Variants in PPA1 observed in about 807,000 individuals in gnomAD.
PPA1 encodes inorganic pyrophosphatase.
PPA1 carries 23 observed loss-of-function variants against 41.8 expected under a neutral mutation model. The observed-to-expected ratio is 0.55, with a 90% CI of 0.40 to 0.78. PPA1 has a LOEUF of 0.78. PPA1 is among the 30% of genes least tolerant of loss of function. PPA1 has a pLI of 0.00. For synonymous variants in PPA1, 101 were observed against 116.8 expected (o/e 0.86, Z 0.87); for missense variants, 320 against 361.6 (o/e 0.89, Z 0.93).
chr10:70,220,089 C>A (rs1840120450), intron 2 of PPA1, among the ~76,000 whole-genome samples: 1 of 151,108 alleles, frequency 6.6e-6, no homozygotes, highest in African/African-American at 2.4e-5. Context: ...GCCACTACAC[C>A]TGGCTAATTT....
At chr10:70,227,813 T>C (rs1840248127) in intron 2 of PPA1, among the ~76,000 whole-genome samples, 1 of 152,124 alleles carries the variant, frequency 6.6e-6, no homozygotes, top group African/African-American at 2.4e-5. Flanking sequence ...TCCCTCATTA[T>C]AATCCCTCGG....
At chr10:70,222,692 ATACTTT>A (rs1327623784) in intron 2 of PPA1, among the ~76,000 whole-genome samples, 1 of 151,958 alleles carries the variant, frequency 6.6e-6, no homozygotes, top group Non-Finnish European at 1.5e-5. Flanking sequence ...TTTTATTATT[ATACTTT>A]AAGTTTTAGG....
chr10:70,222,777 C>T (rs1282461579), intron 2 of PPA1, among the ~76,000 whole-genome samples: 2 of 151,808 alleles, frequency 1.3e-5, no homozygotes, highest in Non-Finnish European at 2.9e-5. Context: ...TGGTGTGCTG[C>T]ACCCATTAAC....
chr10:70,218,041 GAT>G (rs1840098771), intron 3 of PPA1, 110 bp from the exon 4 acceptor site: 1 of 1,034,280 alleles, frequency 9.7e-7, no homozygotes, highest in African/African-American at 1.6e-5. Context: ...CCACTTTAAT[GAT>G]ATATTTTATC....
chr10:70,206,642 G>C (rs377361062), intron 8 of PPA1, among the ~76,000 whole-genome samples: 8 of 151,142 alleles, frequency 5.3e-5, no homozygotes, highest in African/African-American at 1.7e-4. Flanking sequence ...TCAAGAGATC[G>C]AGACCATCCT....
Position 70,233,282 on chromosome 10 carries a change from C to T in PPA1, c.46G>A (p.Glu16Lys). ...TEERAAPFSLEYRVFLKNEKG... is the reference protein window; with the variant it reads ...TEERAAPFSLKYRVFLKNEKG... ...CACTCACTGAGGAAGACTCGGTACT[C>T]CAGGGAGAAGGGCGCGGCGCGCTCC... Residue 16 changes from glutamate to lysine, a missense_variant, in exon 1 of 11, where the codon GAG (glutamate) becomes AAG (lysine). Glu to Lys is a moderately conservative substitution (Grantham distance 56, BLOSUM62 1). Transcript: ENST00000373232. 1 of 1,543,266 alleles carries T rather than the reference C, an allele frequency of 6.5e-7. No individual in the cohort carries two copies. Among genetic ancestry groups the T allele is most frequent in the Non-Finnish European group, 8.7e-7 (1 of 1,144,584 alleles).
At chr10:70,231,148 T>C (rs1242263227) in intron 1 of PPA1, among the ~76,000 whole-genome samples, 1 of 152,218 alleles carries the variant, frequency 6.6e-6, no homozygotes, top group Admixed American at 6.5e-5. Context: ...ATAATTTCTA[T>C]TATATTCTAG....
chr10:70,223,781 T>C (rs1198950610), intron 2 of PPA1, among the ~76,000 whole-genome samples: 1 of 152,224 alleles, frequency 6.6e-6, no homozygotes, highest in Non-Finnish European at 1.5e-5. Context: ...TTAAGAAATT[T>C]CGTACTACCC....
rs60133562 is a variant in PPA1, at chr10:70,210,771, A to AT, written c.512-1087dup. Among the ~76,000 whole-genome samples, 402 of 148,424 alleles carry AT rather than the reference A, an allele frequency of 2.7e-3. 2 individuals are homozygous for AT. Among genetic ancestry groups the AT allele is most frequent in the African/African-American group, 6.6e-3 (267 of 40,458 alleles). ...AGATAACATTGCTTCACTCCAATTT[A>AT]TTTTTTTTTTTTGAGAAGGAGTCTC... On this transcript the variant is annotated intron_variant, in intron 6 of 10. Transcript: ENST00000373232.
At chr10:70,223,141 G>A (rs953286324) in intron 2 of PPA1, among the ~76,000 whole-genome samples, 4 of 152,020 alleles carry the variant, frequency 2.6e-5, no homozygotes, top group African/African-American at 9.7e-5. Context: ...GAGGCAGGAG[G>A]ACCGCTTGAG....
At chr10:70,206,543 G>A (rs138227126) in intron 8 of PPA1, among the ~76,000 whole-genome samples, 1,532 of 151,920 alleles carry the variant, frequency 0.01, 21 homozygotes, top group African/African-American at 0.035. Flanking sequence ...TAACAAGTTC[G>A]GATTTAAGAA....
Position 70,213,494 on chromosome 10 carries a change from A to G in PPA1, c.480T>C (p.Asn160=). The part of the protein sequence containing the change: ...GETDWKVIAI[N]VDDPDAANYN... ...AATTGGCTGCATCAGGATCATCCAC[A>G]TTAATGGCAATGACTTTCCAGTCGG... The change falls in exon 6 of 11, where the codon AAT becomes AAC. Residue 160 remains asparagine (N), a synonymous_variant. Coordinates refer to ENST00000373232, the MANE Select transcript of PPA1 (RefSeq NM_021129.4). The G allele has an allele frequency of 6.2e-7, 1 of 1,614,086 alleles. No homozygotes were observed. Among genetic ancestry groups the G allele is most frequent in the South Asian group, 1.1e-5 (1 of 91,080 alleles).
Position 70,227,448 on chromosome 10 carries a change from G to A in PPA1, c.123+2893C>T, listed in dbSNP as rs142580108. On this transcript the variant is annotated intron_variant, in intron 2 of 10. Transcript: ENST00000373232. ...GCAGATCGCTTGAAACCAGGAGTTC[G>A]AGACCAGCCTGGGCAACATAGGGAA... Among the ~76,000 whole-genome samples, 1,345 of 152,196 alleles carry A rather than the reference G, an allele frequency of 8.8e-3. 13 individuals are homozygous for A. The highest frequency in any genetic ancestry group is 0.031 in the African/African-American group (1,274 of 41,520).
chr10:70,223,276 G>A (rs1350095764), intron 2 of PPA1, among the ~76,000 whole-genome samples: 1 of 151,754 alleles, frequency 6.6e-6, no homozygotes, highest in African/African-American at 2.4e-5. Context: ...GTACAGTGAC[G>A]CAATCATAGC....
At chr10:70,226,986 G>C (rs973670496) in intron 2 of PPA1, among the ~76,000 whole-genome samples, 1 of 152,140 alleles carries the variant, frequency 6.6e-6, no homozygotes, top group Non-Finnish European at 1.5e-5. Context: ...ATATGGAATA[G>C]AAAAATATCT....
chr10:70,204,750 C>T, intron 10 of PPA1, 123 bp downstream of exon 10: 1 of 738,560 alleles, frequency 1.4e-6, no homozygotes, highest in Non-Finnish European at 2.1e-6. Context: ...AAACATATAT[C>T]AAAACATCAC....
At chr10:70,217,389 C>G (rs551965343) in intron 4 of PPA1, among the ~76,000 whole-genome samples, 20 of 152,148 alleles carry the variant, frequency 1.3e-4, no homozygotes, top group Admixed American at 4.6e-4. Flanking sequence ...ATGGACGTCT[C>G]AAGGAGAAAG....
At chr10:70,226,470 G>C (rs1003960034) in intron 2 of PPA1, among the ~76,000 whole-genome samples, 1 of 151,754 alleles carries the variant, frequency 6.6e-6, no homozygotes, top group African/African-American at 2.4e-5. Flanking sequence ...GAGGTGGGAG[G>C]ATTGCTCGAG....
At position 70,218,778 on chromosome 10, in the gene PPA1, T is replaced by G. The variant is rs778475473; in HGVS notation, c.163A>C (p.Asn55His). ...HMVVEVPRWS[N>H]AKMEIATKDP... is the part of the protein sequence containing the mutation. ...TGAAATATTACCTCCATTTTTGCAT[T>G]AGACCAGCGTGGTACTTCAACTACC... is the stretch of plus-strand genomic sequence containing the variant. Residue 55 changes from asparagine (N) to histidine (H), a missense_variant, in exon 3 of 11, where the codon AAT (asparagine) becomes CAT (histidine). Transcript: ENST00000373232. The G allele has an allele frequency of 6.2e-7, 1 of 1,611,632 alleles. No individual in the cohort carries two copies. Among genetic ancestry groups the G allele is most frequent in the South Asian group, 1.1e-5 (1 of 90,982 alleles).
Sources: allele counts gnomAD v4.1 joint callset (sites outside exome capture counted in the v4.1 genomes callset), GRCh38; gene constraint gnomAD v4.1.1; transcripts MANE v1.5; gene names NCBI Gene and HGNC (gene_info 2026-07-23, HGNC 2026-07-21).